HTR4: variants seen among roughly 807,000 people sequenced by gnomAD.
HTR4 encodes 5-hydroxytryptamine receptor 4.
A neutral mutation model predicts 36.8 loss-of-function variants in HTR4; 16 were observed. The observed-to-expected ratio is 0.43, with a 90% confidence interval of 0.29 to 0.66. The LOEUF (loss-of-function observed/expected upper bound fraction) is 0.66, where lower values mean the gene tolerates loss of function less well. Among genes scored for constraint, HTR4 ranks in the 30% least tolerant of loss-of-function variants. The pLI is 0.13. For missense variants in HTR4, 438 were observed against 490.9 expected (o/e 0.89, Z 1.02); for synonymous variants, 189 against 185.1 (o/e 1.02, Z -0.17).
chr5:148,568,117 C>CT (rs764023838), intron 2 of HTR4, among the ~76,000 whole-genome samples: 1 of 152,146 alleles, frequency 6.6e-6, no homozygotes, highest in Non-Finnish European at 1.5e-5. Flanking sequence ...ATGAAATACT[C>CT]TATCTTTTCC....
intron 5 of HTR4, among the ~76,000 whole-genome samples, chr5:148,516,382 C>T (rs1475970418): frequency 1.5e-5 from 2 of 131,700 alleles, no homozygotes; most frequent in Non-Finnish European, 3.1e-5. Context: ...TGCAATGGCA[C>T]AATCTCGGCT....
chr5:148,553,916 C>T (rs1759813241), intron 2 of HTR4, among the ~76,000 whole-genome samples: 1 of 152,224 alleles, frequency 6.6e-6, no homozygotes, highest in Non-Finnish European at 1.5e-5. Context: ...TACAAACAGA[C>T]ACTTGTATAC....
chr5:148,579,163 C>A (rs776187016), intron 2 of HTR4, among the ~76,000 whole-genome samples: 1 of 152,042 alleles, frequency 6.6e-6, no homozygotes, highest in East Asian at 1.9e-4. Context: ...TTATATGTCA[C>A]CGTTCTTTCT....
intron 4 of HTR4, among the ~76,000 whole-genome samples, chr5:148,538,306 C>A (rs1240631343): frequency 2.0e-5 from 3 of 152,130 alleles, no homozygotes; most frequent in African/African-American, 7.2e-5. Flanking sequence ...TGGAAGCATT[C>A]CCCTTTACAA....
At chr5:148,473,323 G>A (rs555754449), downstream of HTR4, among the ~76,000 whole-genome samples, 4 of 149,218 alleles carry the variant, frequency 2.7e-5, no homozygotes, top group African/African-American at 1.0e-4. Context: ...AAAAAAAGAG[G>A]TAGAAGATAG....
chr5:148,480,461 C>T (rs1027649046), downstream of HTR4, among the ~76,000 whole-genome samples: 2 of 152,184 alleles, frequency 1.3e-5, no homozygotes, highest in African/African-American at 4.8e-5. Context: ...TTAATGCAGC[C>T]TCTGCCTCAT....
chr5:148,475,717 C>T (rs1352378258), downstream of HTR4, among the ~76,000 whole-genome samples: 1 of 152,194 alleles, frequency 6.6e-6, no homozygotes, highest in South Asian at 2.1e-4. Flanking sequence ...TATGACTCCA[C>T]ATACTGCTTC....
At chr5:148,523,666 T>TATTAACAG (rs1758131181) in intron 4 of HTR4, among the ~76,000 whole-genome samples, 1 of 152,130 alleles carries the variant, frequency 6.6e-6, no homozygotes, top group Non-Finnish European at 1.5e-5. Context: ...TTAATATAAA[T>TATTAACAG]ATTAATATAT....
intron 2 of HTR4, among the ~76,000 whole-genome samples, chr5:148,561,380 C>G (rs1439214462): frequency 1.3e-5 from 2 of 152,158 alleles, no homozygotes; most frequent in Admixed American, 1.3e-4. Context: ...AAGGTGAGAT[C>G]TACATCTGGA....
At chr5:148,543,627 C>G (rs1469609820) in intron 4 of HTR4, among the ~76,000 whole-genome samples, 1 of 152,116 alleles carries the variant, frequency 6.6e-6, no homozygotes, top group Non-Finnish European at 1.5e-5. Flanking sequence ...GGTTATGCAG[C>G]TGTGGAAGTG....
intron 6 of HTR4, among the ~76,000 whole-genome samples, chr5:148,508,599 T>G (rs917755659): frequency 6.6e-6 from 1 of 152,212 alleles, no homozygotes; most frequent in Non-Finnish European, 1.5e-5. Context: ...TAGGAAATAC[T>G]GTTCTGTGTT....
chr5:148,566,133 A>T (rs749047939), intron 2 of HTR4, among the ~76,000 whole-genome samples: 9 of 152,206 alleles, frequency 5.9e-5, no homozygotes, highest in Non-Finnish European at 1.2e-4. Context: ...TATTGGTTAC[A>T]TAAACAATTT....
downstream of HTR4, among the ~76,000 whole-genome samples, chr5:148,478,874 C>T (rs1004382399): frequency 6.6e-6 from 1 of 152,108 alleles, no homozygotes; most frequent in African/African-American, 2.4e-5. Context: ...ACTCTGTCTC[C>T]TGACTGCTGA....
chr5:148,501,342 G>T (rs1275760357), intron 6 of HTR4, among the ~76,000 whole-genome samples: 1 of 152,164 alleles, frequency 6.6e-6, no homozygotes, highest in Non-Finnish European at 1.5e-5. Flanking sequence ...ACATTGAAAT[G>T]ATCAGCAGAC....
chr5:148,540,367 A>G (rs1286363487), intron 4 of HTR4, among the ~76,000 whole-genome samples: 1 of 141,708 alleles, frequency 7.1e-6, no homozygotes, highest in Non-Finnish European at 1.5e-5. Flanking sequence ...ACCCAAACCT[A>G]AAATAAAATT....
chr5:148,638,947 T>C (rs1275088793), intron 1 of HTR4, among the ~76,000 whole-genome samples: 1 of 151,942 alleles, frequency 6.6e-6, no homozygotes, highest in Admixed American at 6.6e-5. Context: ...CCTGGGGGGC[T>C]GAGGTGGGAG....
chr5:148,513,381 C>A (rs940389874), intron 5 of HTR4, among the ~76,000 whole-genome samples: 1 of 152,158 alleles, frequency 6.6e-6, no homozygotes, highest in Non-Finnish European at 1.5e-5. Context: ...ACCCCTGCAG[C>A]ATGTATTGAA....
chr5:148,543,457 C>G (rs1235443831), intron 4 of HTR4, among the ~76,000 whole-genome samples: 1 of 152,126 alleles, frequency 6.6e-6, no homozygotes, highest in African/African-American at 2.4e-5. Flanking sequence ...TGAAAGAAAC[C>G]TTGCTAATAG....
At chr5:148,573,613 A>AAGG (rs1760767433) in intron 2 of HTR4, among the ~76,000 whole-genome samples, 1 of 152,058 alleles carries the variant, frequency 6.6e-6, no homozygotes, top group Non-Finnish European at 1.5e-5. Flanking sequence ...ACCCAACTAT[A>AAGG]AGGAGGATGG....
Sources: gnomAD v4.1 joint callset for allele counts (sites outside exome capture counted in the v4.1 genomes callset) on GRCh38, gnomAD v4.1.1 for gene constraint, MANE v1.5 for transcripts, NCBI Gene and HGNC (gene_info 2026-07-23, HGNC 2026-07-21) for gene names.